The following QRICH1 variants were observed in gnomAD, a reference collection of about 807,000 sequenced individuals.
QRICH1 encodes glutamine rich 1, also known as transcriptional regulator QRICH1.
In QRICH1, 16 loss-of-function variants were observed where a neutral mutation model predicts 87.1. The ratio of observed to expected loss-of-function variants is 0.18; its 90% CI spans 0.12 to 0.28. The LOEUF (loss-of-function observed/expected upper bound fraction) is 0.28, where lower values mean the gene tolerates loss of function less well. QRICH1 is among the 10% of genes least tolerant of loss of function. QRICH1 has a pLI of 1.00. For synonymous variants in QRICH1, 367 were observed against 368.4 expected (o/e 1.00, Z 0.05); for missense variants, 647 against 951.7 (o/e 0.68, Z 4.21).
At chr3:49,034,117 T>C (rs894780170) in intron 6 of QRICH1, among the ~76,000 whole-genome samples, 5 of 149,598 alleles carry the variant, frequency 3.3e-5, no homozygotes, top group African/African-American at 1.2e-4. Context: ...TTAGCTAAGA[T>C]ACAGGGTCTC....
In QRICH1 at chr3:49,030,560, T is replaced by A. The variant is rs1358828062; in HGVS notation, c.2223A>T (p.Ser741=). The A allele has an allele frequency of 6.2e-7, 1 of 1,613,856 alleles. No homozygotes were observed. Among genetic ancestry groups the A allele is most frequent in the African/African-American group, 1.3e-5 (1 of 75,028 alleles). The change falls in exon 10 of 10, where the codon TCA becomes TCT. Residue 741 remains serine (S), a synonymous_variant. Transcript: ENST00000395443. ...TCTGCTCTCTGCTGATAGGCTGGACTGAGTACCAGATTGGGCTGTTGGGGG... is the reference window on the plus strand; with the variant it reads ...TCTGCTCTCTGCTGATAGGCTGGACAGAGTACCAGATTGGGCTGTTGGGGG... ...VVAPNSPIWY[S]VQPISREQMG...
chr3:49,034,017 A>AC (rs1559923255), intron 6 of QRICH1, among the ~76,000 whole-genome samples: 2 of 151,664 alleles, frequency 1.3e-5, no homozygotes, highest in Non-Finnish European at 2.9e-5. Context: ...AACAAAAAAA[A>AC]CAAAAAAAAC....
intron 1 of QRICH1, among the ~76,000 whole-genome samples, chr3:49,082,812 G>A (rs1312799284): frequency 1.3e-5 from 2 of 149,228 alleles, no homozygotes; most frequent in Admixed American, 6.7e-5. Context: ...GGAGACTGGC[G>A]TAAACCTGGG....
intron 3 of QRICH1, among the ~76,000 whole-genome samples, chr3:49,049,273 C>G (rs2093356527): frequency 1.3e-5 from 2 of 151,390 alleles, no homozygotes; most frequent in South Asian, 4.2e-4. Context: ...GGTGAAACCC[C>G]ATCTCTACTA....
intron 6 of QRICH1, among the ~76,000 whole-genome samples, chr3:49,041,549 A>G (rs1304733165): frequency 6.6e-6 from 1 of 151,890 alleles, no homozygotes; most frequent in African/African-American, 2.4e-5. Flanking sequence ...GCTGGTCCCA[A>G]ACTCCTGGGC....
Position 49,046,587 on chromosome 3 carries a change from G to A in QRICH1, c.1517-8C>T, listed in dbSNP as rs189806139. The A allele has an allele frequency of 1.5e-3, 2,495 of 1,612,136 alleles. 5 individuals carry two copies. Among genetic ancestry groups the A allele is most frequent in the Non-Finnish European group, 1.8e-3 (2,082 of 1,179,418 alleles). On this transcript the variant is annotated splice_polypyrimidine_tract_variant and splice_region_variant and intron_variant, in intron 4 of 9. Coordinates refer to ENST00000395443, the MANE Select transcript of QRICH1 (RefSeq NM_198880.3). ...ATCGCAGCAGTTGGCGCCCTGCAACGGAAGCCTCAAAAATGAATGAAGGTC... is the reference window on the plus strand; with the variant it reads ...ATCGCAGCAGTTGGCGCCCTGCAACAGAAGCCTCAAAAATGAATGAAGGTC...
intron 1 of QRICH1, among the ~76,000 whole-genome samples, chr3:49,086,320 G>A (rs566148483): frequency 6.0e-5 from 9 of 150,582 alleles, no homozygotes; most frequent in East Asian, 1.9e-4. Context: ...GCAATGGTGC[G>A]ATCTCGGCTC....
chr3:49,031,224 G>T (rs187672700), intron 9 of QRICH1, among the ~76,000 whole-genome samples: 239 of 152,178 alleles, frequency 1.6e-3, no homozygotes, highest in Middle Eastern at 0.01. Context: ...CTGACCTCAG[G>T]TGATCCACCC....
chr3:49,085,380 A>G (rs1358135464), intron 1 of QRICH1, among the ~76,000 whole-genome samples: 2 of 151,760 alleles, frequency 1.3e-5, no homozygotes, highest in African/African-American at 4.9e-5. Flanking sequence ...TCTACTAAAA[A>G]TACAAGTGGT....
chr3:49,071,945 G>A (rs2041839466), intron 2 of QRICH1, among the ~76,000 whole-genome samples: 1 of 152,154 alleles, frequency 6.6e-6, no homozygotes, highest in Non-Finnish European at 1.5e-5. Context: ...ACTCACCTCA[G>A]CCTCCCAAAG....
intron 3 of QRICH1, among the ~76,000 whole-genome samples, chr3:49,054,800 G>A (rs1420667624): frequency 6.6e-6 from 1 of 152,104 alleles, no homozygotes; most frequent in Non-Finnish European, 1.5e-5. Flanking sequence ...TACTTGGGAG[G>A]CTGAGGCGGG....
At position 49,056,925 on chromosome 3, in the gene QRICH1, T is replaced by C; in HGVS notation, c.1275A>G (p.Gln425=). ...GTGGTGGTGTCTGTTCCTGGGGAGT[T>C]TGCTGCTGCGGCTGCTGTTGGGGGT... The part of the protein sequence containing the change: ...IWDPQQQPQQ[Q]TPQEQTPPPQ... Residue 425 remains glutamine (Q), a synonymous_variant, in exon 3 of 10, where the codon CAA becomes CAG. Coordinates refer to ENST00000395443, the MANE Select transcript of QRICH1 (RefSeq NM_198880.3). 1.2e-6 allele frequency: 2 copies of C among 1,614,108 alleles called. No individual in the cohort carries two copies. The highest frequency in any genetic ancestry group is 1.7e-4 in the Middle Eastern group (1 of 6,058).
At chr3:49,094,288 T>A, upstream of QRICH1, 1 of 364,692 alleles carries the variant, frequency 2.7e-6, no homozygotes, top group East Asian at 4.0e-5. Flanking sequence ...CTTGGCCTAG[T>A]AGTGGAGTCT....
intron 3 of QRICH1, among the ~76,000 whole-genome samples, chr3:49,051,445 AAC>A (rs558087000): frequency 3.7e-3 from 556 of 151,996 alleles, no homozygotes; most frequent in African/African-American, 0.013. Flanking sequence ...CGTGTTTGTC[AAC>A]CATAGAGCTC....
At chr3:49,085,627 ACGTG>A in intron 1 of QRICH1, among the ~76,000 whole-genome samples, 3 of 151,704 alleles carry the variant, frequency 2.0e-5, no homozygotes, top group African/African-American at 7.3e-5. Flanking sequence ...GTGTGGTGAC[ACGTG>A]CCTGTAATCC....
chr3:49,092,067 G>T (rs1222863350), intron 1 of QRICH1, among the ~76,000 whole-genome samples: 1 of 148,388 alleles, frequency 6.7e-6, no homozygotes, highest in Non-Finnish European at 1.5e-5. Context: ...GTGAGACTCC[G>T]TCTCAAAAAA....
chr3:49,081,733 T>C (rs1351749752), intron 1 of QRICH1, among the ~76,000 whole-genome samples: 1 of 152,064 alleles, frequency 6.6e-6, no homozygotes, highest in Non-Finnish European at 1.5e-5. Flanking sequence ...ACTCCTGGGC[T>C]CAAGAGATCT....
intron 1 of QRICH1, among the ~76,000 whole-genome samples, chr3:49,085,356 G>A (rs1224478730): frequency 6.6e-6 from 1 of 151,176 alleles, no homozygotes; most frequent in Non-Finnish European, 1.5e-5. Flanking sequence ...TGGCTATCAC[G>A]GTGAAACCCC....
At chr3:49,079,893 G>A (rs1316393731) in intron 1 of QRICH1, among the ~76,000 whole-genome samples, 1 of 152,104 alleles carries the variant, frequency 6.6e-6, no homozygotes, top group African/African-American at 2.4e-5. Flanking sequence ...GCCAGGCATG[G>A]TGTCAGGCAC....
Sources: gnomAD v4.1 joint callset for allele counts (sites outside exome capture counted in the v4.1 genomes callset) on GRCh38, gnomAD v4.1.1 for gene constraint, MANE v1.5 for transcripts, NCBI Gene and HGNC (gene_info 2026-07-23, HGNC 2026-07-21) for gene names.